IGHMBP2: variants seen among roughly 807,000 people sequenced by gnomAD.
The protein encoded by IGHMBP2 is immunoglobulin mu DNA binding protein 2.
A neutral mutation model predicts 96.0 loss-of-function variants in IGHMBP2; 81 were observed. The observed-to-expected ratio is 0.84, with a 90% CI of 0.71 to 1.01. IGHMBP2 has a LOEUF of 1.01. Among genes scored for constraint, IGHMBP2 ranks in the 50% least tolerant of loss-of-function variants. The probability of loss-of-function intolerance (pLI) is 0.00; values close to 1 mark genes in which losing one functional copy is unlikely to be tolerated. For missense variants in IGHMBP2, 1,227 were observed against 1,306.3 expected, an observed-to-expected ratio of 0.94 and a Z score of 0.94; for synonymous variants, 557 against 548.9, an observed-to-expected ratio of 1.01 and a Z score of -0.21.
rs773180915 is a variant in IGHMBP2 at position 68,933,858 on chromosome 11, C to T, written c.1482C>T (p.Ala494=). 35 of 1,607,336 alleles carry T rather than the reference C, an allele frequency of 2.2e-5. No individual in the cohort carries two copies. Among genetic ancestry groups the T allele is most frequent in the African/African-American group, 2.1e-4 (16 of 74,838 alleles). The change falls in exon 10 of 15, where the codon GCC becomes GCT. Residue 494 remains alanine, a synonymous_variant. Coordinates refer to ENST00000255078, the MANE Select transcript of IGHMBP2 (RefSeq NM_002180.3). The part of the protein sequence containing the change: ...TGVPLLLVDT[A]GCGLFELEEE... ...TGCCCCTGCTCTTGGTGGACACCGC[C>T]GGCTGCGGGCTGTTTGAGCTGGAGG...
intron 13 of IGHMBP2, among the ~76,000 whole-genome samples, chr11:68,937,568 G>A (rs1859601161): frequency 6.6e-6 from 1 of 152,246 alleles, no homozygotes; most frequent in South Asian, 2.1e-4. Context: ...GCCATGTGGA[G>A]TCCCTGGGTG....
intron 2 of IGHMBP2, chr11:68,906,470 T>C: frequency 1.8e-6 from 1 of 567,506 alleles, no homozygotes. Flanking sequence ...GTGTGGCTTG[T>C]AATTGCCGCA....
In IGHMBP2 at chr11:68,933,453, C is replaced by T. The variant is rs1229301355; in HGVS notation, c.1390C>T (p.His464Tyr). ...DTMYLGQLTA[H>Y]SSVARHLLRD... ...CATGTACCTTGGGCAGCTCACAGCC[C>T]ACTCTTCCGTGGCAAGGCACCTCCT... Residue 464 changes from histidine to tyrosine, a missense_variant, in exon 9 of 15, where the codon CAC (histidine) becomes TAC (tyrosine). Physicochemically the swap from His to Tyr is moderately conservative, Grantham distance 83. This residue lies in a region of IGHMBP2 where 703 missense variants were observed against 770.3 expected (regional missense o/e 0.91). Coordinates refer to ENST00000255078, the MANE Select transcript of IGHMBP2 (RefSeq NM_002180.3). 2 of 1,612,978 alleles carry T rather than the reference C, an allele frequency of 1.2e-6. No individual in the cohort carries two copies. The highest frequency in any genetic ancestry group is 2.2e-5 in the East Asian group (1 of 44,856).
At chr11:68,935,112 G>GGTATTGGCGTGCATGCGTGCCC (rs1197131442) in intron 11 of IGHMBP2, among the ~76,000 whole-genome samples, 187 bp from the exon 12 acceptor site, 6 of 152,244 alleles carry the variant, frequency 3.9e-5, no homozygotes, top group Non-Finnish European at 8.8e-5. Flanking sequence ...GACAGGGTGT[G>GGTATTGGCGTGCATGCGTGCCC]GTATTGGCGT....
intron 7 of IGHMBP2, among the ~76,000 whole-genome samples, chr11:68,925,021 A>G (rs1235749915): frequency 6.6e-6 from 1 of 152,160 alleles, no homozygotes; most frequent in Non-Finnish European, 1.5e-5. Flanking sequence ...GTGTGGCCCA[A>G]GACAATTCTT....
intron 8 of IGHMBP2, chr11:68,932,978 A>G (rs1859373519): frequency 2.3e-6 from 1 of 435,760 alleles, no homozygotes; most frequent in Admixed American, 3.5e-5. Flanking sequence ...TCTCTGACTG[A>G]CCCTCGCATG....
chr11:68,908,632 G>A lies in IGHMBP2; in HGVS notation c.547+1G>A, dbSNP rs1057518588. On this transcript the variant is annotated splice_donor_variant, in intron 4 of 14. Coordinates refer to ENST00000255078, the MANE Select transcript of IGHMBP2 (RefSeq NM_002180.3). LOFTEE classifies it high-confidence loss of function. ...GCTCCCAGTCCTGCCAGTGAAATAC[G>A]TAAGAACTTCTGAGTTTTCTTTTTT... 15 of 1,602,756 alleles carry A rather than the reference G, an allele frequency of 9.4e-6. No homozygotes were observed. Among genetic ancestry groups the A allele is most frequent in the South Asian group, 5.5e-5 (5 of 90,850 alleles).
intron 7 of IGHMBP2, among the ~76,000 whole-genome samples, chr11:68,923,265 C>T (rs1011679299): frequency 6.6e-6 from 1 of 151,946 alleles, no homozygotes; most frequent in East Asian, 1.9e-4. Flanking sequence ...TGCAGTGGTG[C>T]GATCTTGGCT....
intron 7 of IGHMBP2, among the ~76,000 whole-genome samples, chr11:68,921,540 G>A (rs1161479965): frequency 6.6e-6 from 1 of 152,198 alleles, no homozygotes; most frequent in Non-Finnish European, 1.5e-5. Context: ...CTTTATGATT[G>A]CAAGCTGACA....
chr11:68,915,133 G>A (rs1293269461), intron 6 of IGHMBP2, 110 bp downstream of exon 6: 10 of 547,000 alleles, frequency 1.8e-5, no homozygotes, highest in Non-Finnish European at 2.1e-5. Flanking sequence ...TGCTTCTGTC[G>A]ATTCCTTTAA....
At position 68,938,317 on chromosome 11, in the gene IGHMBP2, G is replaced by A. The variant is rs1333198377; in HGVS notation, c.2747G>A (p.Cys916Tyr). ...ACCCTGGGCCAGTTCTGCCAGCTCTGCAGCCGCCGCTACTGCCTCAGCCAC... is the reference window on the plus strand; with the variant it reads ...ACCCTGGGCCAGTTCTGCCAGCTCTACAGCCGCCGCTACTGCCTCAGCCAC... Reference protein sequence around the residue: ...VTTLGQFCQLCSRRYCLSHHL... With the variant: ...VTTLGQFCQLYSRRYCLSHHL... The change falls in exon 14 of 15, where the codon TGC becomes TAC. Residue 916 changes from cysteine to tyrosine, a missense_variant. Coordinates refer to ENST00000255078, the MANE Select transcript of IGHMBP2 (RefSeq NM_002180.3). The A allele has an allele frequency of 3.1e-6, 5 of 1,610,292 alleles. No individual in the cohort carries two copies. The highest frequency in any genetic ancestry group is 4.2e-6 in the Non-Finnish European group (5 of 1,179,302).
chr11:68,922,147 A>G (rs1167734371), intron 7 of IGHMBP2, among the ~76,000 whole-genome samples: 5 of 151,838 alleles, frequency 3.3e-5, no homozygotes, highest in East Asian at 2.0e-4. Context: ...CCTGGCCCAC[A>G]TGTACTAAAA....
chr11:68,939,497 C>A, intron 14 of IGHMBP2, 37 bp from the exon 15 acceptor site: 1 of 1,608,840 alleles, frequency 6.2e-7, no homozygotes, highest in South Asian at 1.1e-5. Context: ...CCTCCTTGCC[C>A]CTGTGAGCCC....
chr11:68,908,021 A>G (rs1438409819), intron 2 of IGHMBP2, 124 bp from the exon 3 acceptor site: 2 of 863,866 alleles, frequency 2.3e-6, no homozygotes, highest in African/African-American at 1.7e-5. Context: ...TTTAACTGTT[A>G]CTGATTGCAT....
In IGHMBP2 at chr11:68,938,652, G is replaced by A. The variant is rs552875584; in HGVS notation, c.2784+298G>A. Among the ~76,000 whole-genome samples the A allele has an allele frequency of 7.4e-4, 113 of 152,294 alleles. 1 individual carries two copies. Among genetic ancestry groups the A allele is most frequent in the Admixed American group, 6.2e-3 (95 of 15,296 alleles). On this transcript the variant is annotated intron_variant, in intron 14 of 14. Transcript: ENST00000255078. ...TCAGTGGCCTAATCTGGTCTGTTTG[G>A]CATAGGGGAGGTGGGAGGCAGAGCC...
In IGHMBP2 at chr11:68,906,026, A is replaced by T. The variant is rs1338901210; in HGVS notation, c.87-43A>T. On this transcript the variant is annotated intron_variant, in intron 1 of 14. Transcript: ENST00000255078. Reference sequence around the variant, plus strand: ...CTTTTCCTGGGTGGGTGGAAGTAGAAACTAGTAAAAATCCTGAAGCATCAA... The same window carrying T: ...CTTTTCCTGGGTGGGTGGAAGTAGATACTAGTAAAAATCCTGAAGCATCAA... 4 of 1,593,674 alleles carry T rather than the reference A, an allele frequency of 2.5e-6. No homozygotes were observed. In the South Asian group the frequency reaches 4.4e-5, roughly 18 times the overall value.
intron 7 of IGHMBP2, among the ~76,000 whole-genome samples, chr11:68,924,032 G>A (rs1268562157): frequency 6.6e-6 from 1 of 152,070 alleles, no homozygotes; most frequent in East Asian, 1.9e-4. Flanking sequence ...GGTAACCCCA[G>A]GGCTCACCTC....
intron 6 of IGHMBP2, 143 bp downstream of exon 6, chr11:68,915,166 C>CCCTTTT (rs1191505010): frequency 5.7e-6 from 1 of 176,576 alleles, no homozygotes; most frequent in African/African-American, 5.6e-5. Context: ...TTGGGCTGCC[C>CCCTTTT]TTTTTTTTTT....
intron 13 of IGHMBP2, chr11:68,937,946 A>G (rs1434241349): frequency 5.4e-6 from 3 of 560,690 alleles, no homozygotes; most frequent in Non-Finnish European, 9.7e-6. Context: ...GGGAAGACAC[A>G]TGAGCTGCTT....
Sources: allele counts gnomAD v4.1 joint callset (sites outside exome capture counted in the v4.1 genomes callset), GRCh38; gene constraint gnomAD v4.1.1; regional missense constraint gnomAD v4.1.1; transcripts MANE v1.5; gene names NCBI Gene and HGNC (gene_info 2026-07-23, HGNC 2026-07-21).